The following IL17B variants were observed in gnomAD, a reference collection of about 807,000 sequenced individuals.
IL17B encodes interleukin 17B, also known as interleukin-17B.
IL17B carries 14 observed loss-of-function variants against 14.7 expected under a neutral mutation model. That is an observed-to-expected ratio of 0.95 (90% CI 0.63 to 1.49). The LOEUF (loss-of-function observed/expected upper bound fraction) is 1.49. Among genes scored for constraint, IL17B ranks in the 40% most tolerant of loss-of-function variants. The pLI, the probability that IL17B is intolerant of heterozygous loss-of-function variation, is 0.00. For synonymous variants in IL17B, 105 were observed against 94.8 expected (o/e 1.11, Z -0.62); for missense variants, 233 against 252.8 (o/e 0.92, Z 0.53).
chr5:149,382,334 GA>G (rs907026676), upstream of IL17B, among the ~76,000 whole-genome samples: 3 of 152,194 alleles, frequency 2.0e-5, no homozygotes, highest in Non-Finnish European at 4.4e-5. Context: ...GGGGTCGGGT[GA>G]GGGCTTCTGT....
chr5:149,397,072 C>T (rs1759108192), intron 1 of IL17B, among the ~76,000 whole-genome samples: 1 of 152,176 alleles, frequency 6.6e-6, no homozygotes, highest in African/African-American at 2.4e-5. Context: ...GTGGTCTACA[C>T]ATTCTGCAAG....
intron 1 of IL17B, among the ~76,000 whole-genome samples, chr5:149,394,950 T>G (rs978382143): frequency 7.9e-5 from 12 of 152,146 alleles, no homozygotes; most frequent in Non-Finnish European, 4.4e-5. Context: ...AAGGGTCTGG[T>G]GTGCACATTA....
At chr5:149,402,768 C>T (rs1362720033) in intron 1 of IL17B, among the ~76,000 whole-genome samples, 1 of 150,788 alleles carries the variant, frequency 6.6e-6, no homozygotes, top group African/African-American at 2.4e-5. Flanking sequence ...CTTTGAGAGG[C>T]CGAGGCGGGC....
intron 1 of IL17B, among the ~76,000 whole-genome samples, chr5:149,388,891 A>G (rs1369395116): frequency 6.6e-6 from 1 of 152,226 alleles, no homozygotes; most frequent in Non-Finnish European, 1.5e-5. Context: ...ATTTCCTTTG[A>G]GCAAATTCAT....
upstream of IL17B, among the ~76,000 whole-genome samples, chr5:149,380,723 C>G (rs1482306657): frequency 6.6e-6 from 1 of 152,202 alleles, no homozygotes; most frequent in African/African-American, 2.4e-5. Flanking sequence ...ACGGCCCTGT[C>G]GTGCTGAGGG....
chr5:149,391,522 G>A (rs1758964694), intron 1 of IL17B, among the ~76,000 whole-genome samples: 1 of 152,210 alleles, frequency 6.6e-6, no homozygotes, highest in Admixed American at 6.5e-5. Flanking sequence ...GTTTTAGGGG[G>A]CTTAAGTTTC....
chr5:149,398,442 A>G (rs1223705807), intron 1 of IL17B, among the ~76,000 whole-genome samples: 2 of 152,218 alleles, frequency 1.3e-5, no homozygotes, highest in Admixed American at 1.3e-4. Context: ...CATTTTGTAC[A>G]CAATAAACAC....
chr5:149,390,072 T>G (rs1290348851), intron 1 of IL17B, among the ~76,000 whole-genome samples: 1 of 152,188 alleles, frequency 6.6e-6, no homozygotes, highest in Non-Finnish European at 1.5e-5. Context: ...TGGAAATCAT[T>G]TCTAATAACG....
intron 1 of IL17B, among the ~76,000 whole-genome samples, chr5:149,397,862 C>G (rs943394466): frequency 6.6e-6 from 1 of 152,108 alleles, no homozygotes; most frequent in Non-Finnish European, 1.5e-5. Flanking sequence ...TTCTGATGCT[C>G]AAAGCAGCAG....
chr5:149,387,433 G>A (rs145194101), intron 1 of IL17B, among the ~76,000 whole-genome samples: 117 of 152,276 alleles, frequency 7.7e-4, no homozygotes, highest in Admixed American at 1.2e-3. Flanking sequence ...TGACAATTGC[G>A]TGATGGTAAA....
At chr5:149,402,846 A>G (rs1339893032) in intron 1 of IL17B, among the ~76,000 whole-genome samples, 1 of 151,688 alleles carries the variant, frequency 6.6e-6, no homozygotes, top group African/African-American at 2.4e-5. Flanking sequence ...TATTAAAAAT[A>G]CAAAAAATTA....
At chr5:149,385,489 A>G (rs1462097077) in intron 1 of IL17B, among the ~76,000 whole-genome samples, 1 of 152,242 alleles carries the variant, frequency 6.6e-6, no homozygotes, top group African/African-American at 2.4e-5. Flanking sequence ...AGAGGTCCAG[A>G]TCTGATGTCC....
chr5:149,383,101 G>A (rs1363997805), upstream of IL17B, among the ~76,000 whole-genome samples: 2 of 152,198 alleles, frequency 1.3e-5, no homozygotes, highest in African/African-American at 4.8e-5. Context: ...CTGAGCCTTA[G>A]TTTCTTCTGC....
chr5:149,377,165 C>T (rs2227469), intron 1 of IL17B, 140 bp from the exon 2 acceptor site: 40,883 of 656,992 alleles, frequency 0.062, 1,685 homozygotes, highest in Non-Finnish European at 0.075. Context: ...CCCCAGCTCT[C>T]CCTCCTCAGA....
intron 1 of IL17B, among the ~76,000 whole-genome samples, chr5:149,398,006 A>T (rs1259716708): frequency 6.6e-6 from 1 of 152,154 alleles, no homozygotes; most frequent in Admixed American, 6.6e-5. Context: ...AGACCCACAC[A>T]CAGATCTCCT....
upstream of IL17B, among the ~76,000 whole-genome samples, chr5:149,383,516 C>A (rs1346793597): frequency 5.3e-5 from 8 of 152,088 alleles, no homozygotes; most frequent in Admixed American, 2.6e-4. Flanking sequence ...AGGGTGCAGC[C>A]CCCTAGGGAG....
chr5:149,383,565 C>G (rs1399333335), upstream of IL17B, among the ~76,000 whole-genome samples: 2 of 152,200 alleles, frequency 1.3e-5, no homozygotes, highest in African/African-American at 4.8e-5. Context: ...CCCTCCCTCC[C>G]TGGTAGGAGT....
intron 1 of IL17B, among the ~76,000 whole-genome samples, chr5:149,390,641 A>ACACAC (rs1561716057): frequency 6.7e-6 from 1 of 149,642 alleles, no homozygotes; most frequent in African/African-American, 2.5e-5. Flanking sequence ...AGAGATACAC[A>ACACAC]AGGCCCTCCA....
chr5:149,403,573 G>A (rs959100943), intron 1 of IL17B, among the ~76,000 whole-genome samples: 10 of 152,160 alleles, frequency 6.6e-5, no homozygotes, highest in African/African-American at 2.4e-4. Context: ...CAGGGGTTAT[G>A]GGCCTTTTCA....
Sources: gnomAD v4.1 joint callset for allele counts (sites outside exome capture counted in the v4.1 genomes callset) on GRCh38, gnomAD v4.1.1 for gene constraint, MANE v1.5 for transcripts, NCBI Gene and HGNC (gene_info 2026-07-23, HGNC 2026-07-21) for gene names.